GRM8: variants seen among roughly 807,000 people sequenced by gnomAD.
The protein encoded by GRM8 is metabotropic glutamate receptor 8.
A neutral mutation model predicts 87.2 loss-of-function variants in GRM8; 47 were observed. The ratio of observed to expected loss-of-function variants is 0.54; its 90% CI spans 0.43 to 0.69. The LOEUF (loss-of-function observed/expected upper bound fraction) is 0.69. GRM8 is among the 30% of genes least tolerant of loss of function. The probability of loss-of-function intolerance (pLI) is 0.00; values close to 1 mark genes in which losing one functional copy is unlikely to be tolerated. For missense variants in GRM8, 1,019 were observed against 1,139.2 expected, an observed-to-expected ratio of 0.89 and a Z score of 1.52; for synonymous variants, 396 against 404.5, an observed-to-expected ratio of 0.98 and a Z score of 0.25.
At chr7:126,928,335 T>G (rs1181715503) in intron 3 of GRM8, among the ~76,000 whole-genome samples, 2 of 152,146 alleles carry the variant, frequency 1.3e-5, no homozygotes, top group Non-Finnish European at 2.9e-5. Flanking sequence ...GTAACAAACC[T>G]GCACATCCTG....
chr7:127,010,297 TTTGCAACAGAGAATACTGG>T lies in GRM8; in HGVS notation c.727+96180_727+96198del, dbSNP rs1814757489. On this transcript the variant is annotated intron_variant, in intron 3 of 10. Transcript: ENST00000339582. ...TATTGATTTTTATAGTTGCCTTCTG[TTTGCAACAGAGAATACTGG>T]TTTTCTGTTCACGGTACTAATATAA... is the stretch of plus-strand genomic sequence containing the variant. Among the ~76,000 whole-genome samples the T allele has an allele frequency of 4.6e-5, 7 of 152,326 alleles. No individual in the cohort carries two copies. In the South Asian group the frequency reaches 1.2e-3, roughly 27 times the overall value.
intron 7 of GRM8, among the ~76,000 whole-genome samples, chr7:126,692,089 T>G (rs1808882543): frequency 6.6e-6 from 1 of 152,110 alleles, no homozygotes; most frequent in African/African-American, 2.4e-5. Context: ...GAAAGAGAAC[T>G]GGAGGGGAAA....
intron 7 of GRM8, among the ~76,000 whole-genome samples, chr7:126,719,390 G>T (rs555050254): frequency 6.6e-6 from 1 of 152,234 alleles, no homozygotes; most frequent in Admixed American, 6.5e-5. Context: ...ACTCAATAAA[G>T]TATTCATCAG....
chr7:127,015,255 A>G lies in GRM8; in HGVS notation c.727+91241T>C, dbSNP rs905624125. On this transcript the variant is annotated intron_variant, in intron 3 of 10. Coordinates refer to ENST00000339582, the MANE Select transcript of GRM8 (RefSeq NM_000845.3). Reference sequence around the variant, plus strand: ...AAGAAGAAGAAGAAGAAGAAGAAGAAGAAGAAAAGAGAGAGAGAGAGAGAG... The same window carrying G: ...AAGAAGAAGAAGAAGAAGAAGAAGAGGAAGAAAAGAGAGAGAGAGAGAGAG... Among the ~76,000 whole-genome samples, 19 of 125,200 alleles carry G rather than the reference A, an allele frequency of 1.5e-4. 1 individual carries two copies. The highest frequency in any genetic ancestry group is 2.7e-4 in the South Asian group (1 of 3,640). The allele number at this position is 125,200 out of a possible 152,430, so 82.1% of individuals were successfully genotyped here.
chr7:127,165,313 T>C (rs1254798574), intron 2 of GRM8, among the ~76,000 whole-genome samples: 1 of 151,320 alleles, frequency 6.6e-6, no homozygotes, highest in Non-Finnish European at 1.5e-5. Context: ...ATTTTGATGA[T>C]AAAACACATA....
At chr7:127,060,877 A>T (rs1372644532) in intron 3 of GRM8, among the ~76,000 whole-genome samples, 1 of 152,090 alleles carries the variant, frequency 6.6e-6, no homozygotes, top group Non-Finnish European at 1.5e-5. Context: ...TAGAATAATC[A>T]CCCATCATTT....
At chr7:126,469,512 G>A (rs973871073) in intron 9 of GRM8, among the ~76,000 whole-genome samples, 3 of 152,158 alleles carry the variant, frequency 2.0e-5, no homozygotes, top group Non-Finnish European at 4.4e-5. Context: ...GAGGGACTCA[G>A]TGGGAGGGAA....
At chr7:126,736,219 T>C in intron 7 of GRM8, among the ~76,000 whole-genome samples, 1 of 152,058 alleles carries the variant, frequency 6.6e-6, no homozygotes, top group East Asian at 1.9e-4. Context: ...TAACCTAACT[T>C]AACACATACA....
intron 2 of GRM8, among the ~76,000 whole-genome samples, chr7:127,230,822 A>G (rs1027052909): frequency 5.9e-5 from 9 of 152,042 alleles, no homozygotes; most frequent in South Asian, 4.2e-4. Flanking sequence ...ATGTGAGGGG[A>G]AAAAAAGGCT....
chr7:126,524,087 G>C (rs1445643113), intron 9 of GRM8, among the ~76,000 whole-genome samples: 7 of 151,834 alleles, frequency 4.6e-5, no homozygotes, highest in Non-Finnish European at 2.9e-5. Flanking sequence ...TTAAAATCCT[G>C]GTTTTTAAAG....
intron 6 of GRM8, among the ~76,000 whole-genome samples, chr7:126,881,448 C>A (rs1183790293): frequency 6.6e-6 from 1 of 152,122 alleles, no homozygotes; most frequent in Non-Finnish European, 1.5e-5. Flanking sequence ...CTCTTCCTGC[C>A]CTCCAATATC....
At chr7:126,524,443 CT>C (rs1022119199) in intron 9 of GRM8, among the ~76,000 whole-genome samples, 3 of 152,064 alleles carry the variant, frequency 2.0e-5, no homozygotes, top group Non-Finnish European at 2.9e-5. Flanking sequence ...TTGTAGGTAT[CT>C]TTTTTTCCCT....
chr7:126,669,784 T>TGTAA (rs1806189899), intron 7 of GRM8, among the ~76,000 whole-genome samples: 1 of 152,202 alleles, frequency 6.6e-6, no homozygotes, highest in African/African-American at 2.4e-5. Flanking sequence ...GCAAGGGGTA[T>TGTAA]AAGAACAGTA....
intron 3 of GRM8, among the ~76,000 whole-genome samples, chr7:127,014,259 G>A (rs138429166): frequency 7.0e-4 from 107 of 152,200 alleles, no homozygotes; most frequent in Non-Finnish European, 1.1e-3. Context: ...GCACACCATC[G>A]CTGCCTTTTT....
chr7:126,892,526 C>T lies in GRM8; in HGVS notation c.1156+10016G>A, dbSNP rs1157558524. Among the ~76,000 whole-genome samples the T allele has an allele frequency of 3.9e-5, 6 of 152,130 alleles. No homozygotes were observed. The South Asian group carries it at 1.0e-3, about 26-fold the overall frequency. On this transcript the variant is annotated intron_variant, in intron 6 of 10. Transcript: ENST00000339582. ...GTATATGTGCCACATTTTCTTAATC[C>T]AGTCTATCATTGTTGGACATTTGGG... is the stretch of plus-strand genomic sequence containing the variant.
chr7:127,101,027 C>T (rs17644601), intron 3 of GRM8, among the ~76,000 whole-genome samples: 6,044 of 152,182 alleles, frequency 0.04, 171 homozygotes, highest in South Asian at 0.12. Flanking sequence ...GTACTGGTAC[C>T]TAAAGTTTAC....
intron 7 of GRM8, among the ~76,000 whole-genome samples, chr7:126,690,333 G>A (rs934014758): frequency 6.6e-6 from 1 of 152,206 alleles, no homozygotes; most frequent in Non-Finnish European, 1.5e-5. Flanking sequence ...TCCAGCAACT[G>A]TGCACAGCCA....
chr7:126,849,563 C>T (rs1797015325), intron 6 of GRM8, among the ~76,000 whole-genome samples: 1 of 152,154 alleles, frequency 6.6e-6, no homozygotes, highest in Non-Finnish European at 1.5e-5. Flanking sequence ...TGCTGCTCAG[C>T]AAACATTCTT....
chr7:126,634,708 T>G (rs1473424314), intron 7 of GRM8, among the ~76,000 whole-genome samples: 1 of 152,134 alleles, frequency 6.6e-6, no homozygotes, highest in Non-Finnish European at 1.5e-5. Flanking sequence ...TACATTTTCA[T>G]CATCTCCACT....
Sources: gnomAD v4.1 joint callset for allele counts (sites outside exome capture counted in the v4.1 genomes callset) on GRCh38, gnomAD v4.1.1 for gene constraint, MANE v1.5 for transcripts, NCBI Gene and HGNC (gene_info 2026-07-23, HGNC 2026-07-21) for gene names.